The following GFRA1 variants were observed in gnomAD, a reference collection of about 807,000 sequenced individuals.
GFRA1 encodes the protein GDNF family receptor alpha 1, also known as GDNF family receptor alpha-1.
GFRA1 carries 16 observed loss-of-function variants against 51.6 expected under a neutral mutation model. The observed-to-expected ratio is 0.31, with a 90% confidence interval of 0.21 to 0.47. The LOEUF is 0.47. Ranked by LOEUF, GFRA1 falls within the 20% of genes least tolerant of loss-of-function variation. The pLI, the probability that GFRA1 is intolerant of heterozygous loss-of-function variation, is 1.00. For synonymous variants in GFRA1, 270 were observed against 241.3 expected (o/e 1.12, Z -1.10); for missense variants, 530 against 594.3 (o/e 0.89, Z 1.13).
At chr10:116,130,301 A>G (rs919518803) in intron 5 of GFRA1, among the ~76,000 whole-genome samples, 3 of 152,054 alleles carry the variant, frequency 2.0e-5, no homozygotes, top group African/African-American at 7.2e-5. Context: ...GACAACTAAT[A>G]TTATTACAAC....
intron 5 of GFRA1, among the ~76,000 whole-genome samples, chr10:116,148,337 A>G (rs1459837087): frequency 6.6e-6 from 1 of 152,092 alleles, no homozygotes; most frequent in Non-Finnish European, 1.5e-5. Context: ...TTCTTCCCAT[A>G]GCTGGAAGCA....
At chr10:116,158,439 A>G (rs1410968003) in intron 5 of GFRA1, among the ~76,000 whole-genome samples, 1 of 152,204 alleles carries the variant, frequency 6.6e-6, no homozygotes, top group Admixed American at 6.5e-5. Flanking sequence ...AAGGGTAGAA[A>G]AGGTGGCTTC....
In GFRA1 at chr10:116,211,538, C is replaced by G. The variant is rs539690615; in HGVS notation, c.433+93G>C. The G allele has an allele frequency of 1.4e-5, 16 of 1,178,750 alleles. No homozygotes were observed. In the South Asian group the frequency reaches 1.9e-4, roughly 14 times the overall value. The allele number at this position is 1,178,750 out of a possible 1,614,324, so 73.0% of individuals were successfully genotyped here. A position where few individuals can be genotyped will look rare whatever the true frequency, so the allele number is the denominator to read the frequency against. On this transcript the variant is annotated intron_variant, in intron 5 of 10. Coordinates refer to ENST00000355422, the MANE Select transcript of GFRA1 (RefSeq NM_005264.8). ...GCCTAAATGACATGTCCATAGAGAA[C>G]GGGAAACCCCATAACCCTCTGTACA...
chr10:116,178,307 C>T (rs5003167), intron 5 of GFRA1, among the ~76,000 whole-genome samples: 5 of 149,532 alleles, frequency 3.3e-5, no homozygotes, highest in East Asian at 2.0e-4. Flanking sequence ...GCCGGGGGGG[C>T]GTTTTACTCC....
intron 5 of GFRA1, among the ~76,000 whole-genome samples, chr10:116,192,178 C>T (rs990043480): frequency 3.9e-5 from 6 of 152,156 alleles, no homozygotes; most frequent in Non-Finnish European, 7.3e-5. Context: ...ATCAATGCCC[C>T]AGCTTTGAAT....
rs902715224 is a variant in GFRA1, at chr10:116,062,436, A to G, written c.*1962T>C. ...CCCTTGAAAACATTTTGAAGTGAAA[A>G]AAGTCAGTACTGAGTACTGTACATT... On this transcript the variant is annotated 3_prime_UTR_variant, in exon 11 of 11. Coordinates refer to ENST00000355422, the MANE Select transcript of GFRA1 (RefSeq NM_005264.8). 7.4e-6 allele frequency: 2 copies of G among 268,460 alleles called. No homozygotes were observed. The highest frequency in any genetic ancestry group is 4.4e-5 in the African/African-American group (2 of 45,674). The allele number at this position is 268,460 out of a possible 1,614,324, so 16.6% of individuals were successfully genotyped here.
chr10:116,174,724 T>A (rs949918283), intron 5 of GFRA1, among the ~76,000 whole-genome samples: 6 of 152,178 alleles, frequency 3.9e-5, no homozygotes, highest in Admixed American at 2.6e-4. Flanking sequence ...AAACCTCTAG[T>A]CACAGCTCTG....
intron 9 of GFRA1, among the ~76,000 whole-genome samples, chr10:116,076,791 G>C (rs1322937431): frequency 6.6e-6 from 1 of 152,162 alleles, no homozygotes; most frequent in Non-Finnish European, 1.5e-5. Context: ...TAAGCTATGT[G>C]ATAACTGTGT....
At chr10:116,164,025 C>T (rs553892401) in intron 5 of GFRA1, among the ~76,000 whole-genome samples, 11 of 152,214 alleles carry the variant, frequency 7.2e-5, no homozygotes, top group African/African-American at 1.9e-4. Flanking sequence ...TTCCCACTCC[C>T]GAAGAGGCCT....
intron 9 of GFRA1, among the ~76,000 whole-genome samples, chr10:116,089,048 ACT>A (rs920336424): frequency 1.8e-4 from 27 of 151,942 alleles, no homozygotes; most frequent in Admixed American, 1.3e-3. Flanking sequence ...CAGGATAAAG[ACT>A]CTGCTTTCGA....
At position 116,061,889 on chromosome 10, in the gene GFRA1, T is replaced by A. The variant is rs1179241550; in HGVS notation, c.*2509A>T. 1.0e-5 allele frequency: 4 copies of A among 397,708 alleles called. No individual in the cohort carries two copies. Among genetic ancestry groups the A allele is most frequent in the Non-Finnish European group, 1.8e-5 (4 of 225,862 alleles). The allele number at this position is 397,708 out of a possible 1,614,324, so 24.6% of individuals were successfully genotyped here. A position where few individuals can be genotyped will look rare whatever the true frequency, so the allele number is the denominator to read the frequency against. ...CACACTGAATGGCGGAAACCTTGCT[T>A]GGCTTGCTTTGATAAGAATCTCTCT... On this transcript the variant is annotated 3_prime_UTR_variant, in exon 11 of 11. Transcript: ENST00000355422.
intron 5 of GFRA1, among the ~76,000 whole-genome samples, chr10:116,198,352 T>C (rs1488296859): frequency 6.6e-6 from 1 of 152,152 alleles, no homozygotes; most frequent in East Asian, 1.9e-4. Context: ...CTGCAATCCT[T>C]CAGAGATTCA....
intron 4 of GFRA1, among the ~76,000 whole-genome samples, chr10:116,242,604 C>T (rs1262389409): frequency 6.6e-6 from 1 of 152,002 alleles, no homozygotes; most frequent in Non-Finnish European, 1.5e-5. Flanking sequence ...GCCTCAGCCT[C>T]CCAAGTAGCT....
chr10:116,073,122 T>C (rs778881074), intron 9 of GFRA1, among the ~76,000 whole-genome samples: 1 of 152,194 alleles, frequency 6.6e-6, no homozygotes, highest in African/African-American at 2.4e-5. Context: ...CAGTAAGATA[T>C]ATCAACAGTC....
intron 2 of GFRA1, among the ~76,000 whole-genome samples, chr10:116,271,750 G>T (rs1243734159): frequency 6.6e-6 from 1 of 152,208 alleles, no homozygotes; most frequent in African/African-American, 2.4e-5. Context: ...CCCCCGCCAA[G>T]TTGGGTCATT....
intron 9 of GFRA1, among the ~76,000 whole-genome samples, chr10:116,073,977 T>C (rs1358659731): frequency 6.6e-6 from 1 of 152,112 alleles, no homozygotes; most frequent in Non-Finnish European, 1.5e-5. Flanking sequence ...CCTTTAAAAG[T>C]TTTTTAGAAT....
At chr10:116,117,462 T>C (rs1957454493) in intron 6 of GFRA1, among the ~76,000 whole-genome samples, 1 of 150,890 alleles carries the variant, frequency 6.6e-6, no homozygotes, top group Non-Finnish European at 1.5e-5. Context: ...TGTGCTTGCC[T>C]TCCTCTCTGC....
intron 5 of GFRA1, among the ~76,000 whole-genome samples, chr10:116,164,694 G>A (rs1036721123): frequency 2.6e-5 from 4 of 152,142 alleles, no homozygotes; most frequent in African/African-American, 4.8e-5. Flanking sequence ...ACTACTTGAC[G>A]GAATTCTTAC....
chr10:116,172,598 G>T (rs192628726), intron 5 of GFRA1, among the ~76,000 whole-genome samples: 13 of 152,160 alleles, frequency 8.5e-5, no homozygotes, highest in Non-Finnish European at 1.9e-4. Flanking sequence ...GAGAAGGAGG[G>T]CTAGGCTGAA....
Sources: allele counts gnomAD v4.1 joint callset (sites outside exome capture counted in the v4.1 genomes callset), GRCh38; gene constraint gnomAD v4.1.1; transcripts MANE v1.5; gene names NCBI Gene and HGNC (gene_info 2026-07-23, HGNC 2026-07-21).